GNG12: variants seen among roughly 807,000 people sequenced by gnomAD.
GNG12 encodes the protein guanine nucleotide-binding protein G(I)/G(S)/G(O) subunit gamma-12.
For missense variants in GNG12, 69 were observed against 83.8 expected (o/e 0.82, Z 0.69); for synonymous variants, 28 against 29.7 (o/e 0.94, Z 0.19).
intron 2 of GNG12, among the ~76,000 whole-genome samples, chr1:67,758,612 C>A (rs903433509): frequency 1.3e-5 from 2 of 152,312 alleles, no homozygotes; most frequent in African/African-American, 4.8e-5. Flanking sequence ...TCCCTGGTAA[C>A]CTGTCAGCCC....
chr1:67,761,376 G>A (rs537005522), intron 2 of GNG12, among the ~76,000 whole-genome samples: 1 of 152,312 alleles, frequency 6.6e-6, no homozygotes, highest in Non-Finnish European at 1.5e-5. Flanking sequence ...AAACAGAGAG[G>A]CTTCCAACCT....
chr1:67,749,620 T>A (rs1646527110), intron 2 of GNG12, among the ~76,000 whole-genome samples: 1 of 152,196 alleles, frequency 6.6e-6, no homozygotes, highest in Non-Finnish European at 1.5e-5. Context: ...AGAGGCAGCC[T>A]GCACGACAGA....
chr1:67,746,545 G>A (rs1422397440), intron 2 of GNG12, among the ~76,000 whole-genome samples: 2 of 152,152 alleles, frequency 1.3e-5, no homozygotes, highest in Non-Finnish European at 2.9e-5. Flanking sequence ...GGGGGAGGTG[G>A]TCACACCAGC....
chr1:67,818,594 T>A (rs1646967806), intron 1 of GNG12, among the ~76,000 whole-genome samples: 1 of 152,100 alleles, frequency 6.6e-6, no homozygotes, highest in African/African-American at 2.4e-5. Flanking sequence ...TATGGACTTA[T>A]CTAGCTGCAG....
intron 2 of GNG12, among the ~76,000 whole-genome samples, chr1:67,766,648 T>C (rs1434138316): frequency 2.6e-5 from 4 of 151,758 alleles, no homozygotes; most frequent in African/African-American, 9.7e-5. Context: ...CTGGGGAAAT[T>C]CTGAAGCCAG....
intron 1 of GNG12, among the ~76,000 whole-genome samples, chr1:67,784,572 CAT>C (rs1033206377): frequency 6.6e-5 from 10 of 151,634 alleles, no homozygotes; most frequent in African/African-American, 2.2e-4. Flanking sequence ...AACATTTTTA[CAT>C]GTTTGTTTAT....
intron 1 of GNG12, 43 bp downstream of exon 1, chr1:67,833,301 C>CG: frequency 1.2e-6 from 1 of 806,880 alleles, no homozygotes; most frequent in East Asian, 1.3e-4. Flanking sequence ...CCCGACCCCG[C>CG]GGGGACCCGA....
intron 1 of GNG12, among the ~76,000 whole-genome samples, chr1:67,812,247 T>A (rs1255168006): frequency 2.6e-5 from 4 of 152,074 alleles, no homozygotes; most frequent in Non-Finnish European, 5.9e-5. Flanking sequence ...AAAATCTGTA[T>A]CAAAACCAAA....
intron 2 of GNG12, among the ~76,000 whole-genome samples, chr1:67,762,039 T>C (rs1053078446): frequency 1.3e-5 from 2 of 152,206 alleles, no homozygotes; most frequent in Non-Finnish European, 1.5e-5. Flanking sequence ...GATACTCCAG[T>C]GGGTCTTGGT....
At chr1:67,770,729 C>T (rs1570533216) in intron 2 of GNG12, among the ~76,000 whole-genome samples, 1 of 152,142 alleles carries the variant, frequency 6.6e-6, no homozygotes, top group Non-Finnish European at 1.5e-5. Flanking sequence ...TCCCCTTTCC[C>T]TGTCTGCCAG....
At chr1:67,818,413 GTTTT>G (rs1163831257) in intron 1 of GNG12, among the ~76,000 whole-genome samples, 23 of 83,898 alleles carry the variant, frequency 2.7e-4, no homozygotes, top group African/African-American at 7.2e-4. Flanking sequence ...AAGACCAGGG[GTTTT>G]TTTTTTTTTT....
rs531676182 is a variant in GNG12, at chr1:67,787,348, G to T, written c.-76-9841C>A. ...TGTGCCAAGGCCTGAGAGGAAGTGA[G>T]TCCCTAAGGATGCAAAGAGCTTGGT... On this transcript the variant is annotated intron_variant, in intron 1 of 3. Coordinates refer to ENST00000370982, the MANE Select transcript of GNG12 (RefSeq NM_018841.6). 1.9e-4 allele frequency among the ~76,000 whole-genome samples: 29 copies of T among 152,108 alleles called. 1 individual carries two copies. In the South Asian group the frequency reaches 6.0e-3, roughly 32 times the overall value.
chr1:67,787,007 C>CTG (rs568284069), intron 1 of GNG12, among the ~76,000 whole-genome samples: 2 of 121,924 alleles, frequency 1.6e-5, no homozygotes, highest in Non-Finnish European at 3.4e-5. Flanking sequence ...ATGTGTATAT[C>CTG]TGTGTGTGTG....
At chr1:67,794,870 C>T (rs747778012) in intron 1 of GNG12, among the ~76,000 whole-genome samples, 1 of 152,178 alleles carries the variant, frequency 6.6e-6, no homozygotes, top group Non-Finnish European at 1.5e-5. Flanking sequence ...TCCAACCAAC[C>T]AACCATCCAA....
At chr1:67,764,089 C>G (rs1309568466) in intron 2 of GNG12, among the ~76,000 whole-genome samples, 2 of 152,130 alleles carry the variant, frequency 1.3e-5, no homozygotes, top group Non-Finnish European at 2.9e-5. Context: ...TCAGTAAATA[C>G]TGAGTGTATA....
At chr1:67,756,898 G>A (rs1467229048) in intron 2 of GNG12, among the ~76,000 whole-genome samples, 1 of 152,218 alleles carries the variant, frequency 6.6e-6, no homozygotes, top group African/African-American at 2.4e-5. Flanking sequence ...GTACCCTGCT[G>A]AGGTTCAGGT....
At chr1:67,716,347 C>A (rs1014978760) in intron 2 of GNG12, among the ~76,000 whole-genome samples, 11 of 152,144 alleles carry the variant, frequency 7.2e-5, no homozygotes, top group African/African-American at 2.4e-4. Flanking sequence ...ATCTGCCATC[C>A]AGGGTACATG....
At chr1:67,727,103 A>G (rs1646391315) in intron 2 of GNG12, among the ~76,000 whole-genome samples, 1 of 152,238 alleles carries the variant, frequency 6.6e-6, no homozygotes, top group African/African-American at 2.4e-5. Context: ...AATTCATCTT[A>G]TGAGTGGCAC....
chr1:67,748,658 C>A (rs1297209412), intron 2 of GNG12, among the ~76,000 whole-genome samples: 1 of 152,078 alleles, frequency 6.6e-6, no homozygotes, highest in Non-Finnish European at 1.5e-5. Flanking sequence ...TTCATCTAGT[C>A]CCTACAGAAA....
Sources: gnomAD v4.1 joint callset for allele counts (sites outside exome capture counted in the v4.1 genomes callset) on GRCh38, gnomAD v4.1.1 for gene constraint, MANE v1.5 for transcripts, NCBI Gene and HGNC (gene_info 2026-07-23, HGNC 2026-07-21) for gene names.